The following CLEC16A variants were observed in gnomAD, a reference collection of about 807,000 sequenced individuals.
CLEC16A encodes protein CLEC16A.
CLEC16A carries 51 observed loss-of-function variants against 109.5 expected under a neutral mutation model. That is an observed-to-expected ratio of 0.47 (90% CI 0.37 to 0.59). The LOEUF is 0.59. CLEC16A is among the 20% of genes least tolerant of loss of function. The pLI is 0.00. For missense variants in CLEC16A, 1,339 were observed against 1,394.0 expected (o/e 0.96, Z 0.63); for synonymous variants, 673 against 564.2 (o/e 1.19, Z -2.73).
At chr16:10,966,009 C>T (rs1303407438) in intron 3 of CLEC16A, among the ~76,000 whole-genome samples, 1 of 152,120 alleles carries the variant, frequency 6.6e-6, no homozygotes, top group African/African-American at 2.4e-5. Context: ...AGTAAGACAC[C>T]CCAACAGCTC....
At chr16:10,977,178 G>C in intron 7 of CLEC16A, 47 bp from the exon 8 acceptor site, 1 of 1,576,824 alleles carries the variant, frequency 6.3e-7, no homozygotes, top group Non-Finnish European at 8.6e-7. Flanking sequence ...AGGCTCAAAG[G>C]CTCCTAGTGT....
At chr16:11,042,942 G>T (rs9937838) in intron 15 of CLEC16A, among the ~76,000 whole-genome samples, 13,001 of 150,048 alleles carry the variant, frequency 0.087, 606 homozygotes, top group African/African-American at 0.12. Context: ...TATACAATAT[G>T]TAAATATTAT....
intron 19 of CLEC16A, among the ~76,000 whole-genome samples, chr16:11,106,748 C>T (rs1410279383): frequency 1.3e-5 from 2 of 152,208 alleles, no homozygotes; most frequent in South Asian, 4.1e-4. Context: ...CAGTACCCTT[C>T]TCCCCAAATA....
chr16:11,066,012 G>A (rs2048735237), intron 19 of CLEC16A, among the ~76,000 whole-genome samples: 1 of 152,196 alleles, frequency 6.6e-6, no homozygotes, highest in East Asian at 1.9e-4. Context: ...TGCACTGGGG[G>A]CTAGAAAGGC....
intron 9 of CLEC16A, among the ~76,000 whole-genome samples, chr16:10,981,861 G>A (rs911527648): frequency 6.6e-5 from 10 of 152,182 alleles, no homozygotes; most frequent in African/African-American, 2.4e-4. Flanking sequence ...ACCTGGCAGT[G>A]TCTGGGGAGA....
intron 19 of CLEC16A, among the ~76,000 whole-genome samples, chr16:11,106,624 A>C (rs910770660): frequency 2.0e-5 from 3 of 151,768 alleles, no homozygotes; most frequent in African/African-American, 7.3e-5. Context: ...TTGTGGGACT[A>C]TAGTTGCATG....
At chr16:11,085,525 C>A (rs963738140) in intron 19 of CLEC16A, among the ~76,000 whole-genome samples, 21 of 152,212 alleles carry the variant, frequency 1.4e-4, no homozygotes, top group African/African-American at 5.1e-4. Context: ...TGAGGCCCAA[C>A]AACATAACAT....
At chr16:11,007,508 T>C (rs2045100375) in intron 11 of CLEC16A, among the ~76,000 whole-genome samples, 1 of 152,186 alleles carries the variant, frequency 6.6e-6, no homozygotes, top group Admixed American at 6.5e-5. Context: ...GGGCAAGTAA[T>C]TGCCCTCTCT....
In CLEC16A at chr16:10,977,606, T is replaced by C. The variant is rs573138062; in HGVS notation, c.903+207T>C. ...TTGGCTCACTGCAACCTCCGCCTCC[T>C]GAATTCAAGTAATTCTCCTGCCTCA... On this transcript the variant is annotated intron_variant, in intron 8 of 23. Coordinates refer to ENST00000409790, the MANE Select transcript of CLEC16A (RefSeq NM_015226.3). Among the ~76,000 whole-genome samples, 6 of 152,318 alleles carry C rather than the reference T, an allele frequency of 3.9e-5. No individual in the cohort carries two copies. In the South Asian group the frequency reaches 1.0e-3, roughly 26 times the overall value.
chr16:10,998,198 C>T (rs998697503), intron 10 of CLEC16A, among the ~76,000 whole-genome samples: 2 of 152,186 alleles, frequency 1.3e-5, no homozygotes, highest in East Asian at 1.9e-4. Context: ...TGATGGAAGA[C>T]GTCATTAACC....
chr16:11,097,706 T>C (rs951980185), intron 19 of CLEC16A, among the ~76,000 whole-genome samples: 12 of 152,202 alleles, frequency 7.9e-5, no homozygotes, highest in African/African-American at 2.9e-4. Flanking sequence ...TTTGGCCCCA[T>C]TGGTTTACGT....
intron 11 of CLEC16A, among the ~76,000 whole-genome samples, chr16:11,005,088 A>G (rs1347358367): frequency 1.3e-5 from 2 of 152,132 alleles, no homozygotes; most frequent in Non-Finnish European, 2.9e-5. Context: ...TTTGTTTTGG[A>G]AAGATGCTAC....
At chr16:11,052,740 T>C (rs2048014553) in intron 18 of CLEC16A, among the ~76,000 whole-genome samples, 1 of 152,174 alleles carries the variant, frequency 6.6e-6, no homozygotes, top group Non-Finnish European at 1.5e-5. Context: ...TGTTGCTTCA[T>C]GATGCTGACG....
intron 18 of CLEC16A, among the ~76,000 whole-genome samples, chr16:11,058,104 C>T (rs1380823619): frequency 1.3e-5 from 2 of 152,216 alleles, no homozygotes; most frequent in South Asian, 2.1e-4. Flanking sequence ...CCCTTATAAC[C>T]CCCCTACCCC....
rs374933628 is a variant in CLEC16A at position 11,003,355 on chromosome 16, G to A, written c.1303+50G>A. ...CTGTGCCTGCGCCGCCAGCCAGCCC[G>A]CCAGCGAGGCTGCCACCTGTGCCCT... On this transcript the variant is annotated intron_variant, in intron 11 of 23. Transcript: ENST00000409790. The A allele has an allele frequency of 2.7e-5, 40 of 1,492,672 alleles. No homozygotes were observed. The African/African-American group carries it at 2.9e-4, about 11-fold the overall frequency. 92.5% of individuals were successfully genotyped at this position (1,492,672 alleles called of 1,614,324 possible).
intron 11 of CLEC16A, among the ~76,000 whole-genome samples, chr16:11,014,795 G>A (rs1302008898): frequency 6.6e-6 from 1 of 152,194 alleles, no homozygotes; most frequent in Non-Finnish European, 1.5e-5. Context: ...CCGCACCTTG[G>A]GAGGGAGGCT....
chr16:11,028,558 A>AG (rs2046558280), intron 13 of CLEC16A, among the ~76,000 whole-genome samples: 1 of 151,986 alleles, frequency 6.6e-6, no homozygotes, highest in East Asian at 1.9e-4. Flanking sequence ...AAAAAAAAAA[A>AG]GAAGCTCTAA....
intron 20 of CLEC16A, 115 bp from the exon 21 acceptor site, chr16:11,123,627 C>A (rs934956633): frequency 4.0e-6 from 4 of 1,010,894 alleles, no homozygotes; most frequent in African/African-American, 3.2e-5. Context: ...GATCTTAGAT[C>A]AAAAGCAGAG....
At chr16:11,008,234 A>C (rs1050744973) in intron 11 of CLEC16A, among the ~76,000 whole-genome samples, 3 of 152,056 alleles carry the variant, frequency 2.0e-5, no homozygotes, top group African/African-American at 7.2e-5. Flanking sequence ...ATCTTTTTTC[A>C]GTCTGTCCTT....
Sources: gnomAD v4.1 joint callset for allele counts (sites outside exome capture counted in the v4.1 genomes callset) on GRCh38, gnomAD v4.1.1 for gene constraint, MANE v1.5 for transcripts, NCBI Gene and HGNC (gene_info 2026-07-23, HGNC 2026-07-21) for gene names.